Variants in NIN observed in about 807,000 individuals in gnomAD.
NIN encodes the protein ninein.
In NIN, 137 loss-of-function variants were observed where a neutral mutation model predicts 257.6. The observed-to-expected ratio is 0.53, with a 90% CI of 0.46 to 0.61. NIN has a LOEUF of 0.61. Ranked by LOEUF, NIN falls within the 20% of genes least tolerant of loss-of-function variation. The probability of loss-of-function intolerance (pLI) is 0.00; values close to 1 mark genes in which losing one functional copy is unlikely to be tolerated. For synonymous variants in NIN, 918 were observed against 919.8 expected (o/e 1.00, Z 0.04); for missense variants, 2,439 against 2,501.2 (o/e 0.98, Z 0.53).
At position 50,772,434 on chromosome 14, in the gene NIN, G is replaced by A. The variant is rs763293400; in HGVS notation, c.848C>T (p.Ser283Leu). The A allele has an allele frequency of 6.4e-5, 104 of 1,614,088 alleles. No individual in the cohort carries two copies. The South Asian group carries it at 7.6e-4, about 12-fold the overall frequency. ...FDESGRRTTT[S>L]SAMTSTIGFR... ...GCCAATGGTACTTGTCATTGCTGAT[G>A]AGGTTGTGGTACGTCGTCCACTCTC... The change falls in exon 9 of 31, where the codon TCA becomes TTA. Residue 283 changes from serine (S) to leucine (L), a missense_variant. By Grantham distance (145) the Ser-to-Leu change is moderately radical. Around this residue, in one of 3 missense-constraint regions of NIN, gnomAD observed 387 missense variants for 427.3 expected, o/e 0.91. Coordinates refer to ENST00000530997, the MANE Select transcript of NIN (RefSeq NM_020921.4).
At position 50,723,342 on chromosome 14, in the gene NIN, A is replaced by G; in HGVS notation, c.*121T>C. On this transcript the variant is annotated 3_prime_UTR_variant, in exon 31 of 31. Transcript: ENST00000530997. Reference sequence around the variant, plus strand: ...TATTTAGAAAAACTAATTATGATAAATGGAAACTCCAGTTGTGTTGCTGGC... The same window carrying G: ...TATTTAGAAAAACTAATTATGATAAGTGGAAACTCCAGTTGTGTTGCTGGC... 2.7e-6 allele frequency: 2 copies of G among 735,606 alleles called. No homozygotes were observed. Among genetic ancestry groups the G allele is most frequent in the Non-Finnish European group, 4.4e-6 (2 of 452,584 alleles). The allele number at this position is 735,606 out of a possible 1,614,324, so 45.6% of individuals were successfully genotyped here.
At chr14:50,735,360 G>A (rs2040924451) in intron 28 of NIN, among the ~76,000 whole-genome samples, 156 bp downstream of exon 28, 1 of 152,202 alleles carries the variant, frequency 6.6e-6, no homozygotes. Context: ...AAAGTTGTCT[G>A]TTAAACTTGG....
chr14:50,741,563 T>TA lies in NIN; in HGVS notation c.5448+18dup, dbSNP rs758636436. On this transcript the variant is annotated intron_variant, in intron 25 of 30. Coordinates refer to ENST00000530997, the MANE Select transcript of NIN (RefSeq NM_020921.4). ...TTACTGTAAATAACTTATACCTAAA[T>TA]AAAAAAAGAACAAATCACCTTGCCA... The TA allele has an allele frequency of 2.7e-5, 43 of 1,609,574 alleles. No homozygotes were observed. The highest frequency in any genetic ancestry group is 1.7e-4 in the Middle Eastern group (1 of 6,048).
intron 4 of NIN, among the ~76,000 whole-genome samples, chr14:50,793,725 TCACCAC>T (rs202080296): frequency 2.0e-5 from 3 of 152,032 alleles, no homozygotes; most frequent in African/African-American, 7.2e-5. Flanking sequence ...ACCACTGCCA[TCACCAC>T]CACCACCACC....
chr14:50,745,091 C>A lies in NIN; in HGVS notation c.5065-726G>T, dbSNP rs1223126073. On this transcript the variant is annotated intron_variant, in intron 22 of 30. Transcript: ENST00000530997. ...GTAAAATGTTGTTGGTGCGAACATACTGGCTTTTCCTCTCCACTTCATGAA... is the reference window on the plus strand; with the variant it reads ...GTAAAATGTTGTTGGTGCGAACATAATGGCTTTTCCTCTCCACTTCATGAA... 1.3e-5 allele frequency among the ~76,000 whole-genome samples: 2 copies of A among 152,150 alleles called. 1 individual carries two copies. The highest frequency in any genetic ancestry group is 4.1e-4 in the South Asian group (2 of 4,836).
chr14:50,777,244 AG>A lies in NIN; in HGVS notation c.476-106del, dbSNP rs921008350. 95 of 883,610 alleles carry A rather than the reference AG, an allele frequency of 1.1e-4. 1 individual carries two copies. In the Middle Eastern group the frequency reaches 3.2e-3, roughly 29 times the overall value. The allele number at this position is 883,610 out of a possible 1,614,324, so 54.7% of individuals were successfully genotyped here. A position where few individuals can be genotyped will look rare whatever the true frequency, so the allele number is the denominator to read the frequency against. ...TTTGAAAATAAATACTGTAAGAAAAAGGCAATAAATGTCAATTCCATTTTGA... is the reference window on the plus strand; with the variant it reads ...TTTGAAAATAAATACTGTAAGAAAAAGCAATAAATGTCAATTCCATTTTGA... On this transcript the variant is annotated intron_variant, in intron 6 of 30. Coordinates refer to ENST00000530997, the MANE Select transcript of NIN (RefSeq NM_020921.4).
At chr14:50,792,654 C>A in intron 5 of NIN, 58 bp downstream of exon 5, 2 of 1,593,278 alleles carry the variant, frequency 1.3e-6, no homozygotes, top group Non-Finnish European at 1.7e-6. Flanking sequence ...CTCTGTGCTG[C>A]ACTGACGTGG....
At chr14:50,749,134 C>T (rs987911168) in intron 21 of NIN, among the ~76,000 whole-genome samples, 31 of 152,104 alleles carry the variant, frequency 2.0e-4, no homozygotes, top group African/African-American at 7.2e-4. Flanking sequence ...TGGAACAGAA[C>T]AGAGGCCTCA....
chr14:50,772,179 G>T, intron 9 of NIN, 122 bp downstream of exon 9: 1 of 929,106 alleles, frequency 1.1e-6, no homozygotes, highest in Non-Finnish European at 1.6e-6. Context: ...TTATCTTTGA[G>T]ACTTTGTGAA....
At chr14:50,812,533 A>G (rs966337383) in intron 3 of NIN, among the ~76,000 whole-genome samples, 2 of 152,238 alleles carry the variant, frequency 1.3e-5, no homozygotes, top group Non-Finnish European at 2.9e-5. Flanking sequence ...TACCCCATAG[A>G]TTCCAGAAAG....
chr14:50,757,618 C>A lies in NIN; in HGVS notation c.3412G>T (p.Val1138Leu). Residue 1138 changes from valine to leucine, a missense_variant, in exon 18 of 31, where the codon GTG becomes TTG. Physicochemically the swap from Val to Leu is conservative, Grantham distance 32 (BLOSUM62 1). This residue lies in a region of NIN where 2,043 missense variants were observed against 2,050.2 expected (regional missense o/e 1.00). Coordinates refer to ENST00000530997, the MANE Select transcript of NIN (RefSeq NM_020921.4). ...TCACTTAGGACATGCCGCCTGGTCA[C>A]ACCTTCTACTTGCTTCGTTCGGTTT... is the stretch of plus-strand genomic sequence containing the variant. ...QQNRTKQVEG[V>L]TRRHVLSDLE... is the part of the protein sequence containing the mutation. 6.2e-7 allele frequency: 1 copy of A among 1,614,170 alleles called. No individual in the cohort carries two copies. The highest frequency in any genetic ancestry group is 1.1e-5 in the South Asian group (1 of 91,086).
rs190129443 is a variant in NIN, at chr14:50,748,572, C to A, written c.4951-467G>T. On this transcript the variant is annotated intron_variant, in intron 21 of 30. Coordinates refer to ENST00000530997, the MANE Select transcript of NIN (RefSeq NM_020921.4). Reference sequence around the variant, plus strand: ...TGACGTGATTGTGTATTTAGAAAACCCCATTGTCTCAGCCCCAAATCTCCT... The same window carrying A: ...TGACGTGATTGTGTATTTAGAAAACACCATTGTCTCAGCCCCAAATCTCCT... Among the ~76,000 whole-genome samples the A allele has an allele frequency of 2.6e-5, 4 of 152,228 alleles. No homozygotes were observed. In the East Asian group the frequency reaches 7.7e-4, roughly 29 times the overall value.
At chr14:50,743,221 C>T (rs888757157) in intron 24 of NIN, among the ~76,000 whole-genome samples, 195 bp downstream of exon 24, 6 of 152,008 alleles carry the variant, frequency 3.9e-5, no homozygotes, top group African/African-American at 7.2e-5. Flanking sequence ...CTGCTCACCT[C>T]GGCCTCCCAA....
chr14:50,729,131 G>A (rs1023265707), intron 29 of NIN, among the ~76,000 whole-genome samples: 7 of 152,154 alleles, frequency 4.6e-5, no homozygotes, highest in Admixed American at 1.3e-4. Flanking sequence ...TGGGCAAATC[G>A]TCTATTACAG....
chr14:50,795,956 G>A (rs947034007), intron 4 of NIN, among the ~76,000 whole-genome samples: 3 of 152,166 alleles, frequency 2.0e-5, no homozygotes, highest in African/African-American at 4.8e-5. Context: ...TCCAGCCTGG[G>A]CAACAGGGCA....
At chr14:50,773,150 A>G in intron 7 of NIN, 55 bp from the exon 8 acceptor site, 1 of 1,438,676 alleles carries the variant, frequency 7.0e-7, no homozygotes, top group East Asian at 2.3e-5. Flanking sequence ...ACAAGGCCCA[A>G]AGTATACTTC....
intron 3 of NIN, among the ~76,000 whole-genome samples, chr14:50,818,947 A>C (rs2142395473): frequency 6.6e-6 from 1 of 152,334 alleles, no homozygotes; most frequent in South Asian, 2.1e-4. Context: ...TTTAAAAATA[A>C]ATACACAATG....
At chr14:50,762,888 C>A (rs2042326950) in intron 15 of NIN, among the ~76,000 whole-genome samples, 1 of 152,072 alleles carries the variant, frequency 6.6e-6, no homozygotes, top group African/African-American at 2.4e-5. Flanking sequence ...GAAGTAACAC[C>A]CAGGGTGTGA....
At chr14:50,750,864 C>T (rs1430979285) in intron 21 of NIN, among the ~76,000 whole-genome samples, 1 of 152,148 alleles carries the variant, frequency 6.6e-6, no homozygotes, top group African/African-American at 2.4e-5. Context: ...TGTTCTTCCT[C>T]GTCCCTTCTA....
Sources: allele counts gnomAD v4.1 joint callset (sites outside exome capture counted in the v4.1 genomes callset), GRCh38; gene constraint gnomAD v4.1.1; regional missense constraint gnomAD v4.1.1; transcripts MANE v1.5; gene names NCBI Gene and HGNC (gene_info 2026-07-23, HGNC 2026-07-21).